FBXL7: variants seen among roughly 807,000 people sequenced by gnomAD.
FBXL7 encodes F-box and leucine rich repeat protein 7.
FBXL7 carries 12 observed loss-of-function variants against 38.3 expected under a neutral mutation model. That is an observed-to-expected ratio of 0.31 (90% confidence interval 0.20 to 0.51). The LOEUF (loss-of-function observed/expected upper bound fraction) is 0.51. Among genes scored for constraint, FBXL7 ranks in the 20% least tolerant of loss-of-function variants. FBXL7 has a pLI of 0.98. For synonymous variants in FBXL7, 297 were observed against 300.9 expected (o/e 0.99, Z 0.13); for missense variants, 567 against 676.4 (o/e 0.84, Z 1.79).
At chr5:15,615,187 G>T (rs1740405271) in intron 1 of FBXL7, among the ~76,000 whole-genome samples, 1 of 152,174 alleles carries the variant, frequency 6.6e-6, no homozygotes, top group Admixed American at 6.5e-5. Context: ...TAATGTATAT[G>T]ATTATATTAA....
intron 1 of FBXL7, among the ~76,000 whole-genome samples, chr5:15,516,361 T>C (rs760384611): frequency 6.6e-6 from 1 of 152,222 alleles, no homozygotes; most frequent in Non-Finnish European, 1.5e-5. Context: ...CCCTTAGATA[T>C]GTCTGTTTAA....
chr5:15,536,479 G>C (rs1014892537), intron 1 of FBXL7, among the ~76,000 whole-genome samples: 1 of 152,206 alleles, frequency 6.6e-6, no homozygotes, highest in African/African-American at 2.4e-5. Flanking sequence ...TCTTGCATCA[G>C]TGTGCCCTGG....
At chr5:15,881,440 G>A (rs4643955) in intron 2 of FBXL7, among the ~76,000 whole-genome samples, 81,047 of 151,998 alleles carry the variant, frequency 0.53, 22,848 homozygotes, top group Non-Finnish European at 0.63. Context: ...TGGGCATTTG[G>A]GCTGGTTCCA....
chr5:15,837,496 G>A (rs987892689), intron 2 of FBXL7, among the ~76,000 whole-genome samples: 2 of 152,138 alleles, frequency 1.3e-5, no homozygotes, highest in African/African-American at 4.8e-5. Flanking sequence ...GTTAAGTTTA[G>A]TGATGATAAA....
intron 2 of FBXL7, among the ~76,000 whole-genome samples, chr5:15,697,974 T>C (rs1743391797): frequency 6.6e-6 from 1 of 152,224 alleles, no homozygotes; most frequent in African/African-American, 2.4e-5. Context: ...TACTCACTCA[T>C]ATTGTAGAGA....
At chr5:15,626,367 G>C (rs1344302228) in intron 2 of FBXL7, among the ~76,000 whole-genome samples, 1 of 152,166 alleles carries the variant, frequency 6.6e-6, no homozygotes, top group African/African-American at 2.4e-5. Flanking sequence ...GCAGTGGAAA[G>C]CTCATCATCT....
intron 2 of FBXL7, among the ~76,000 whole-genome samples, chr5:15,766,362 T>C (rs1579445343): frequency 6.6e-6 from 1 of 152,204 alleles, no homozygotes. Flanking sequence ...ACTGAGAGAC[T>C]TGAGAACTAG....
At position 15,864,609 on chromosome 5, in the gene FBXL7, G is replaced by T. The variant is rs1739625448; in HGVS notation, c.128-63281G>T. On this transcript the variant is annotated intron_variant, in intron 2 of 3. Transcript: ENST00000504595. ...TGGATGAAAATAAGATTATCTGTTA[G>T]GTCTCTCAGAGAAGAGTAACCAAAC... Among the ~76,000 whole-genome samples, 3 of 152,082 alleles carry T rather than the reference G, an allele frequency of 2.0e-5. No homozygotes were observed. In the South Asian group the frequency reaches 6.2e-4, roughly 32 times the overall value.
intron 1 of FBXL7, among the ~76,000 whole-genome samples, chr5:15,581,171 T>C (rs1223989145): frequency 6.6e-6 from 1 of 152,158 alleles, no homozygotes; most frequent in Admixed American, 6.5e-5. Context: ...GAGTACCACA[T>C]TAGGCATGTC....
chr5:15,904,220 A>G (rs1038352081), intron 2 of FBXL7, among the ~76,000 whole-genome samples: 8 of 152,156 alleles, frequency 5.3e-5, no homozygotes, highest in Non-Finnish European at 1.2e-4. Context: ...TTTGAACCAG[A>G]TTTGTTCCTA....
intron 2 of FBXL7, among the ~76,000 whole-genome samples, chr5:15,649,697 C>CTTTT (rs34675600): frequency 6.8e-6 from 1 of 146,304 alleles, no homozygotes; most frequent in African/African-American, 2.5e-5. Context: ...TCTTTCTTTT[C>CTTTT]TTTTTTTTTT....
intron 2 of FBXL7, among the ~76,000 whole-genome samples, chr5:15,905,941 G>C (rs1032411329): frequency 3.3e-5 from 5 of 151,032 alleles, no homozygotes; most frequent in African/African-American, 1.2e-4. Context: ...TAACCAACTA[G>C]GATGTTACCA....
chr5:15,816,421 C>T (rs560830621), intron 2 of FBXL7, among the ~76,000 whole-genome samples: 6 of 152,104 alleles, frequency 3.9e-5, no homozygotes, highest in Admixed American at 2.0e-4. Flanking sequence ...TTCTCACTTA[C>T]AAGTGGGAGC....
intron 1 of FBXL7, among the ~76,000 whole-genome samples, chr5:15,563,947 G>A (rs1335013018): frequency 6.6e-6 from 1 of 151,978 alleles, no homozygotes; most frequent in Non-Finnish European, 1.5e-5. Context: ...TTGTGTATGA[G>A]TGTCTCACCA....
At chr5:15,606,791 C>T (rs1051050936) in intron 1 of FBXL7, 1 of 152,184 alleles carries the variant, frequency 6.6e-6, no homozygotes, top group African/African-American at 2.4e-5. Flanking sequence ...TTTTTGCTCA[C>T]AAGAAAATGA....
chr5:15,917,454 A>G (rs1741611825), intron 2 of FBXL7, among the ~76,000 whole-genome samples: 1 of 152,140 alleles, frequency 6.6e-6, no homozygotes, highest in Admixed American at 6.5e-5. Context: ...AGAAAATTTT[A>G]AAAATGAGCC....
chr5:15,790,639 A>C (rs1034357850), intron 2 of FBXL7, among the ~76,000 whole-genome samples: 7 of 152,154 alleles, frequency 4.6e-5, no homozygotes, highest in African/African-American at 1.7e-4. Flanking sequence ...TTCTCTTACA[A>C]ATATAGTACA....
At chr5:15,768,072 A>C (rs899138516) in intron 2 of FBXL7, among the ~76,000 whole-genome samples, 4 of 152,316 alleles carry the variant, frequency 2.6e-5, no homozygotes, top group Admixed American at 6.5e-5. Context: ...ACAAGTCCAC[A>C]GTTTAGTGTC....
intron 2 of FBXL7, among the ~76,000 whole-genome samples, chr5:15,636,599 A>G (rs1202436489): frequency 6.6e-6 from 1 of 151,516 alleles, no homozygotes; most frequent in East Asian, 1.9e-4. Flanking sequence ...ATAGTTTAGT[A>G]TGTATACTGT....
Sources: allele counts gnomAD v4.1 joint callset (sites outside exome capture counted in the v4.1 genomes callset), GRCh38; gene constraint gnomAD v4.1.1; transcripts MANE v1.5; gene names NCBI Gene and HGNC (gene_info 2026-07-23, HGNC 2026-07-21).